The following LGR4 variants were observed in gnomAD, a reference collection of about 807,000 sequenced individuals.
LGR4 encodes leucine-rich repeat-containing G protein-coupled receptor 4.
A neutral mutation model predicts 84.8 loss-of-function variants in LGR4; 44 were observed. The observed-to-expected ratio is 0.52, with a 90% confidence interval of 0.41 to 0.67. The LOEUF (loss-of-function observed/expected upper bound fraction) is 0.67. Among genes scored for constraint, LGR4 ranks in the 30% least tolerant of loss-of-function variants. The probability of loss-of-function intolerance (pLI) is 0.00; values close to 1 mark genes in which losing one functional copy is unlikely to be tolerated. For missense variants in LGR4, 1,032 were observed against 1,131.4 expected, an observed-to-expected ratio of 0.91 and a Z score of 1.26; for synonymous variants, 429 against 434.3, an observed-to-expected ratio of 0.99 and a Z score of 0.15.
At chr11:27,436,800 C>G (rs1287769080) in intron 1 of LGR4, among the ~76,000 whole-genome samples, 1 of 152,178 alleles carries the variant, frequency 6.6e-6, no homozygotes, top group Non-Finnish European at 1.5e-5. Context: ...ACCTATCACA[C>G]AGCTGCAGGT....
intron 1 of LGR4, among the ~76,000 whole-genome samples, chr11:27,418,620 TAA>T (rs1015349713): frequency 1.2e-4 from 18 of 152,274 alleles, no homozygotes; most frequent in Admixed American, 1.1e-3. Flanking sequence ...CACTTAAAAA[TAA>T]ACATTAATTA....
intron 1 of LGR4, among the ~76,000 whole-genome samples, chr11:27,435,550 C>A (rs1864193096): frequency 6.6e-6 from 1 of 151,024 alleles, no homozygotes; most frequent in Non-Finnish European, 1.5e-5. Flanking sequence ...TGCAGTGGTG[C>A]AATCTCGGTT....
At chr11:27,403,374 C>G (rs957596308) in intron 2 of LGR4, among the ~76,000 whole-genome samples, 1 of 152,140 alleles carries the variant, frequency 6.6e-6, no homozygotes, top group Non-Finnish European at 1.5e-5. Context: ...ATCTCTTGAG[C>G]CCGTGAGGTC....
In LGR4 at chr11:27,389,028, C is replaced by A. The variant is rs568524288; in HGVS notation, c.401+2066G>T. On this transcript the variant is annotated intron_variant, in intron 4 of 17. Coordinates refer to ENST00000379214, the MANE Select transcript of LGR4 (RefSeq NM_018490.5). Reference sequence around the variant, plus strand: ...TATCAAACATACACTTGCATCAAACCACTTCTGGTCAATTTCAATCCCTAA... The same window carrying A: ...TATCAAACATACACTTGCATCAAACAACTTCTGGTCAATTTCAATCCCTAA... Among the ~76,000 whole-genome samples, 4 of 152,176 alleles carry A rather than the reference C, an allele frequency of 2.6e-5. No individual in the cohort carries two copies. In the East Asian group the frequency reaches 7.7e-4, roughly 29 times the overall value.
intron 1 of LGR4, among the ~76,000 whole-genome samples, chr11:27,436,973 A>G (rs1337812945): frequency 2.6e-5 from 4 of 152,134 alleles, no homozygotes; most frequent in Non-Finnish European, 5.9e-5. Flanking sequence ...AATCTGGCAT[A>G]TATCTGTCTG....
intron 1 of LGR4, among the ~76,000 whole-genome samples, chr11:27,452,121 T>C (rs572868145): frequency 5.9e-5 from 9 of 152,298 alleles, no homozygotes; most frequent in East Asian, 5.8e-4. Flanking sequence ...AAGATCTAGA[T>C]TGAGACTCTG....
chr11:27,412,714 T>TTTC, intron 2 of LGR4, 75 bp downstream of exon 2: 1 of 900,640 alleles, frequency 1.1e-6, no homozygotes, highest in Non-Finnish European at 1.9e-6. Context: ...AACATCAGAC[T>TTTC]TTCTCTGTAG....
At chr11:27,452,081 G>T (rs980800788) in intron 1 of LGR4, among the ~76,000 whole-genome samples, 1 of 152,102 alleles carries the variant, frequency 6.6e-6, no homozygotes, top group Non-Finnish European at 1.5e-5. Flanking sequence ...ATGCTCTCAG[G>T]GAGCAAAATA....
intron 1 of LGR4, among the ~76,000 whole-genome samples, chr11:27,415,921 C>T (rs1297132059): frequency 2.0e-5 from 3 of 152,074 alleles, no homozygotes; most frequent in African/African-American, 7.2e-5. Context: ...ATCTGAAGTA[C>T]ACAGACTTTA....
chr11:27,379,746 CA>C (rs1291275787), intron 10 of LGR4, among the ~76,000 whole-genome samples: 1 of 152,186 alleles, frequency 6.6e-6, no homozygotes. Flanking sequence ...GTGCAACGTT[CA>C]AAGCTTGTCA....
rs773992909 is a variant in LGR4 at position 27,368,656 on chromosome 11, T to A, written c.2067A>T (p.Ala689=). Residue 689 remains alanine, a synonymous_variant, in exon 18 of 18, where the codon GCA becomes GCT. Coordinates refer to ENST00000379214, the MANE Select transcript of LGR4 (RefSeq NM_018490.5). Reference sequence around the variant, plus strand: ...TAGGAAATGGCAAACAAAGGGGTGATGCAGAATATTCCCCTCTATGGAAAA... The same window carrying A: ...TAGGAAATGGCAAACAAAGGGGTGAAGCAGAATATTCCCCTCTATGGAAAA... ...FPLFHRGEYS[A]SPLCLPFPTG... 23 of 1,613,914 alleles carry A rather than the reference T, an allele frequency of 1.4e-5. No individual in the cohort carries two copies. The Admixed American group carries it at 1.5e-4, about 11-fold the overall frequency.
chr11:27,425,415 C>T (rs1043996518), intron 1 of LGR4, among the ~76,000 whole-genome samples: 1 of 151,650 alleles, frequency 6.6e-6, no homozygotes, highest in Non-Finnish European at 1.5e-5. Context: ...ACTGCAGCCT[C>T]GACCTCCTGG....
In LGR4 at chr11:27,467,900, A is replaced by G. The variant is rs1041834242; in HGVS notation, c.185+4218T>C. On this transcript the variant is annotated intron_variant, in intron 1 of 17. Transcript: ENST00000379214. ...TTGTATATAAAACTAATGCATCTCTAGAAAGACACACAACACAAACTAAGC... is the reference window on the plus strand; with the variant it reads ...TTGTATATAAAACTAATGCATCTCTGGAAAGACACACAACACAAACTAAGC... Among the ~76,000 whole-genome samples, 6 of 152,354 alleles carry G rather than the reference A, an allele frequency of 3.9e-5. No individual in the cohort carries two copies. In the South Asian group the frequency reaches 1.2e-3, roughly 32 times the overall value.
intron 4 of LGR4, among the ~76,000 whole-genome samples, chr11:27,389,228 T>C (rs973458365): frequency 1.2e-4 from 18 of 152,246 alleles, no homozygotes; most frequent in African/African-American, 4.1e-4. Flanking sequence ...AACAAACGTA[T>C]GAACATTTCC....
chr11:27,463,308 T>C (rs573990018), intron 1 of LGR4, among the ~76,000 whole-genome samples: 1 of 151,824 alleles, frequency 6.6e-6, no homozygotes, highest in Non-Finnish European at 1.5e-5. Flanking sequence ...GACATGACCA[T>C]GGACTCAAAA....
At chr11:27,459,746 A>G (rs547782815) in intron 1 of LGR4, among the ~76,000 whole-genome samples, 3 of 151,672 alleles carry the variant, frequency 2.0e-5, no homozygotes, top group African/African-American at 7.2e-5. Context: ...AAGTGCTGCA[A>G]TTACAGGCAT....
intron 2 of LGR4, among the ~76,000 whole-genome samples, chr11:27,404,391 G>T (rs921332744): frequency 1.1e-4 from 16 of 152,102 alleles, no homozygotes; most frequent in Admixed American, 3.9e-4. Flanking sequence ...GATCTAGTTG[G>T]TTTCACTACA....
At chr11:27,402,639 G>A (rs1488276225) in intron 2 of LGR4, among the ~76,000 whole-genome samples, 7 of 152,064 alleles carry the variant, frequency 4.6e-5, no homozygotes, top group Non-Finnish European at 7.4e-5. Flanking sequence ...TTTAGTCCAG[G>A]CAACAATATA....
chr11:27,441,638 T>A (rs1042085332), intron 1 of LGR4, among the ~76,000 whole-genome samples: 1 of 151,958 alleles, frequency 6.6e-6, no homozygotes, highest in Non-Finnish European at 1.5e-5. Context: ...GAGCTAAAAA[T>A]TTTCTTAAAA....
Sources: allele counts gnomAD v4.1 joint callset (sites outside exome capture counted in the v4.1 genomes callset), GRCh38; gene constraint gnomAD v4.1.1; transcripts MANE v1.5; gene names NCBI Gene and HGNC (gene_info 2026-07-23, HGNC 2026-07-21).